Variants in RNH1 observed in about 807,000 individuals in gnomAD.
RNH1 encodes the protein ribonuclease/angiogenin inhibitor 1.
Under a neutral mutation model 46.1 loss-of-function variants are expected in RNH1, and 38 were observed. That is an observed-to-expected ratio of 0.82 (90% CI 0.64 to 1.08). The LOEUF is 1.08. Ranked by LOEUF, RNH1 falls within the 50% of genes least tolerant of loss-of-function variation. RNH1 has a pLI of 0.00. For missense variants in RNH1, 577 were observed against 590.7 expected (o/e 0.98, Z 0.24); for synonymous variants, 319 against 279.1 (o/e 1.14, Z -1.43).
chr11:498,506 G>C lies in RNH1; in HGVS notation c.907C>G (p.Leu303Val), dbSNP rs765346260. ...GGTTCCAGCAGGGTCTCACACAGCA[G>C]TCGGGCACCCTCATCCCCCAGCTCG... ...GNELGDEGAR[L>V]LCETLLEPGC... The change falls in exon 8 of 11, where the codon CTG (leucine) becomes GTG (valine). Residue 303 changes from leucine (L) to valine (V), a missense_variant. By Grantham distance (32) the Leu-to-Val change is conservative. Coordinates refer to ENST00000354420, the MANE Select transcript of RNH1 (RefSeq NM_203387.3). 1.2e-6 allele frequency: 2 copies of C among 1,613,118 alleles called. No homozygotes were observed. The highest frequency in any genetic ancestry group is 1.7e-6 in the Non-Finnish European group (2 of 1,180,004).
At chr11:497,569 A>ACC (rs1401837131) in intron 9 of RNH1, among the ~76,000 whole-genome samples, 744 of 42,814 alleles carry the variant, frequency 0.017, 90 homozygotes, top group African/African-American at 0.12. Context: ...TCACACACGG[A>ACC]CACGTGCTCA....
At position 494,619 on chromosome 11, in the gene RNH1, ATGGCAGGGGCTGGTGG is replaced by A; in HGVS notation, c.*56_*71del. 7.7e-7 allele frequency: 1 copy of A among 1,306,802 alleles called. No homozygotes were observed. The highest frequency in any genetic ancestry group is 1.1e-6 in the Non-Finnish European group (1 of 907,462). The allele number at this position is 1,306,802 out of a possible 1,614,324, so 81.0% of individuals were successfully genotyped here. A position where few individuals can be genotyped will look rare whatever the true frequency, so the allele number is the denominator to read the frequency against. On this transcript the variant is annotated 3_prime_UTR_variant, in exon 11 of 11. Coordinates refer to ENST00000354420, the MANE Select transcript of RNH1 (RefSeq NM_203387.3). ...AACCTAGGATATGCAGGGTGAGAGC[ATGGCAGGGGCTGGTGG>A]GCCCCAGGGTTGCCTCGAGGCCGGT...
chr11:497,510 T>C lies in RNH1; in HGVS notation c.1127+461A>G, dbSNP rs557826557. Among the ~76,000 whole-genome samples the C allele has an allele frequency of 1.3e-4, 13 of 100,566 alleles. 2 individuals carry two copies. Among genetic ancestry groups the C allele is most frequent in the African/African-American group, 5.1e-4 (12 of 23,554 alleles). 66.0% of individuals were successfully genotyped at this position (100,566 alleles called of 152,430 possible). A position where few individuals can be genotyped will look rare whatever the true frequency, so the allele number is the denominator to read the frequency against. On this transcript the variant is annotated intron_variant, in intron 9 of 10. Transcript: ENST00000354420. ...ACACTCACACGGACACTCGTGCTCA[T>C]TCTTGCCCATGTGCTCACACACGGA... is the stretch of plus-strand genomic sequence containing the variant.
At position 502,717 on chromosome 11, in the gene RNH1, G is replaced by A. The variant is rs939788671; in HGVS notation, c.-87-468C>T. ...CCCAGGATGCCAGGATCCTGGACCC[G>A]GCCACAGTGTCCGAAGCAAGACAGA... On this transcript the variant is annotated intron_variant, in intron 2 of 10. Transcript: ENST00000354420. The surrounding 1 kb of genome is among the most constrained non-coding windows in gnomAD (Gnocchi z 5.8). 4 of 162,258 alleles carry A rather than the reference G, an allele frequency of 2.5e-5. No individual in the cohort carries two copies. The highest frequency in any genetic ancestry group is 5.8e-5 in the Admixed American group (1 of 17,238). 10.1% of individuals were successfully genotyped at this position (162,258 alleles called of 1,614,324 possible). A position where few individuals can be genotyped will look rare whatever the true frequency, so the allele number is the denominator to read the frequency against.
Position 501,912 on chromosome 11 carries a change from G to C in RNH1, c.101+150C>G, listed in dbSNP as rs1849782561. The C allele has an allele frequency of 6.5e-6, 4 of 611,604 alleles. No individual in the cohort carries two copies. Among genetic ancestry groups the C allele is most frequent in the Admixed American group, 5.5e-5 (2 of 36,350 alleles). The allele number at this position is 611,604 out of a possible 1,614,324, so 37.9% of individuals were successfully genotyped here. A position where few individuals can be genotyped will look rare whatever the true frequency, so the allele number is the denominator to read the frequency against. On this transcript the variant is annotated intron_variant, in intron 3 of 10. Transcript: ENST00000354420. This position sits in a 1 kb window ranked among gnomAD's most constrained non-coding sequence, Gnocchi z 4.1. ...CCTAAATTGTCAAAAAGAAACACAA[G>C]AATCACATCTCATGCACGTGGTAGC...
chr11:497,710 C>T (rs556689347), intron 9 of RNH1, among the ~76,000 whole-genome samples: 6 of 151,318 alleles, frequency 4.0e-5, no homozygotes, highest in Non-Finnish European at 7.4e-5. Flanking sequence ...CACTCGTGCT[C>T]ATTCTTGCCC....
intron 8 of RNH1, 111 bp from the exon 9 acceptor site, chr11:498,252 C>G (rs1849359462): frequency 7.5e-7 from 1 of 1,338,840 alleles, no homozygotes; most frequent in Non-Finnish European, 1.0e-6. Flanking sequence ...CATCTGACAG[C>G]CTCCCAGCAA....
chr11:498,572 T>TGAG lies in RNH1; in HGVS notation c.838_840dup (p.Leu280dup). On this transcript the variant is annotated inframe_insertion, in exon 8 of 11. Transcript: ENST00000354420. Reference sequence around the variant, plus strand: ...AGCTCCTTCAGGCTCTCCTTGGCCCTGAGGACACGGCACAGATCCCCGCAG... The same window carrying TGAG: ...AGCTCCTTCAGGCTCTCCTTGGCCCTGAGGAGGACACGGCACAGATCCCCGCAG... 1 of 1,613,092 alleles carries TGAG rather than the reference T, an allele frequency of 6.2e-7. No individual in the cohort carries two copies.
chr11:498,509 G>T lies in RNH1; in HGVS notation c.904C>A (p.Arg302=), dbSNP rs772978961. 6.2e-7 allele frequency: 1 copy of T among 1,613,234 alleles called. No individual in the cohort carries two copies. The highest frequency in any genetic ancestry group is 8.5e-7 in the Non-Finnish European group (1 of 1,180,000). The change falls in exon 8 of 11, where the codon CGA becomes AGA. Residue 302 remains arginine (R), a synonymous_variant. Transcript: ENST00000354420. The part of the protein sequence containing the change: ...AGNELGDEGA[R]LLCETLLEPG... ...TCCAGCAGGGTCTCACACAGCAGTC[G>T]GGCACCCTCATCCCCCAGCTCGTTG...
chr11:497,888 A>G (rs1849321396), intron 9 of RNH1, 83 bp downstream of exon 9: 1 of 1,488,018 alleles, frequency 6.7e-7, no homozygotes, highest in African/African-American at 1.4e-5. Flanking sequence ...GCTCACACAG[A>G]TACTCGTGCA....
chr11:498,989 G>A (rs565454427), intron 6 of RNH1, 26 bp downstream of exon 6: 44 of 1,602,260 alleles, frequency 2.7e-5, no homozygotes, highest in South Asian at 1.4e-4. Context: ...CCCACACCCC[G>A]CACCCCCCCA....
chr11:496,073 C>A (rs176939), intron 9 of RNH1, among the ~76,000 whole-genome samples: 1 of 151,682 alleles, frequency 6.6e-6, no homozygotes, highest in African/African-American at 2.4e-5. Flanking sequence ...ATGGGCACAC[C>A]AAAAAAGAAA....
In RNH1 at chr11:498,997, C is replaced by A. The variant is rs776387643; in HGVS notation, c.614+18G>T. Reference sequence around the variant, plus strand: ...CCCCTAGCCCACACCCCGCACCCCCCCAAGGCCCAGTGCCTACTTGAGCGC... The same window carrying A: ...CCCCTAGCCCACACCCCGCACCCCCACAAGGCCCAGTGCCTACTTGAGCGC... On this transcript the variant is annotated intron_variant, in intron 6 of 10. Coordinates refer to ENST00000354420, the MANE Select transcript of RNH1 (RefSeq NM_203387.3). 4 of 1,612,480 alleles carry A rather than the reference C, an allele frequency of 2.5e-6. No individual in the cohort carries two copies. Among genetic ancestry groups the A allele is most frequent in the East Asian group, 2.2e-5 (1 of 44,876 alleles).
chr11:498,964 C>T (rs747400415), intron 6 of RNH1, 31 bp from the exon 7 acceptor site: 57 of 1,610,948 alleles, frequency 3.5e-5, no homozygotes, highest in South Asian at 6.6e-5. Context: ...TGAGGCAGCA[C>T]GGGACCCCCC....
At position 498,035 on chromosome 11, in the gene RNH1, C is replaced by T; in HGVS notation, c.1063G>A (p.Asp355Asn). ...ELQISNNRLE[D>N]AGVRELCQGL... is the part of the protein sequence containing the mutation. ...TGGCACAGCTCCCGCACGCCCGCAT[C>T]CTCCAGCCTGTTGTTGCTTATCTGT... Residue 355 changes from aspartate (D) to asparagine (N), a missense_variant, in exon 9 of 11, where the codon GAT (aspartate) becomes AAT (asparagine). Asp to Asn is a conservative substitution (Grantham distance 23). Transcript: ENST00000354420. The T allele has an allele frequency of 1.2e-6, 2 of 1,614,180 alleles. No homozygotes were observed. Among genetic ancestry groups the T allele is most frequent in the Non-Finnish European group, 1.7e-6 (2 of 1,180,050 alleles).
rs768383607 is a variant in RNH1 at position 499,146 on chromosome 11, G to C, written c.483C>G (p.Pro161=). The C allele has an allele frequency of 5.0e-6, 8 of 1,612,994 alleles. No homozygotes were observed. The Admixed American group carries it at 1.3e-4, about 27-fold the overall frequency. The change falls in exon 6 of 11, where the codon CCC becomes CCG. Residue 161 remains proline, a synonymous_variant. Coordinates refer to ENST00000354420, the MANE Select transcript of RNH1 (RefSeq NM_203387.3). ...YCSLSAASCE[P]LASVLRAKPD... ...GCTTGGCCCTGAGCACGGAGGCCAG[G>C]GGCTCGCAGCTGGCAGCCGAGAGGC... is the stretch of plus-strand genomic sequence containing the variant.
chr11:499,226 C>T, intron 5 of RNH1, 41 bp from the exon 6 acceptor site: 1 of 1,603,722 alleles, frequency 6.2e-7, no homozygotes, highest in South Asian at 1.1e-5. Flanking sequence ...GGAATGTGCA[C>T]CAGCCAAGGG....
intron 9 of RNH1, among the ~76,000 whole-genome samples, chr11:497,559 TCACA>T (rs1565019566): frequency 7.3e-5 from 3 of 40,956 alleles, no homozygotes; most frequent in African/African-American, 6.2e-4. Context: ...TCTCACGTGC[TCACA>T]CACGGACACG....
chr11:497,638 G>T lies in RNH1; in HGVS notation c.1127+333C>A, dbSNP rs1219656963. Among the ~76,000 whole-genome samples, 51 of 101,358 alleles carry T rather than the reference G, an allele frequency of 5.0e-4. 1 individual carries two copies. The highest frequency in any genetic ancestry group is 2.1e-4 in the Non-Finnish European group (11 of 51,814). 66.5% of individuals were successfully genotyped at this position (101,358 alleles called of 152,430 possible). A position where few individuals can be genotyped will look rare whatever the true frequency, so the allele number is the denominator to read the frequency against. On this transcript the variant is annotated intron_variant, in intron 9 of 10. Transcript: ENST00000354420. ...GCTCACTCTCACGTGCTCACACACG[G>T]ACACTCGTGCTCTCACCCATGTGCT...
Sources: gnomAD v4.1 joint callset for allele counts (sites outside exome capture counted in the v4.1 genomes callset) on GRCh38, gnomAD v4.1.1 for gene constraint, Gnocchi (gnomAD v3.1) non-coding constraint, MANE v1.5 for transcripts, NCBI Gene and HGNC (gene_info 2026-07-23, HGNC 2026-07-21) for gene names.